EYS: variants seen among roughly 807,000 people sequenced by gnomAD.
The protein encoded by EYS is EGF-like photoreceptor maintenance factor, also known as protein eyes shut homolog.
In EYS, 250 loss-of-function variants were observed where a neutral mutation model predicts 282.1. That is an observed-to-expected ratio of 0.89 (90% CI 0.80 to 0.98). The LOEUF (loss-of-function observed/expected upper bound fraction) is 0.98. Ranked by LOEUF, EYS falls within the 50% of genes least tolerant of loss-of-function variation. The probability of loss-of-function intolerance (pLI) is 0.00; values close to 1 mark genes in which losing one functional copy is unlikely to be tolerated. For synonymous variants in EYS, 1,355 were observed against 1,282.9 expected (o/e 1.06, Z -1.20); for missense variants, 4,016 against 3,709.0 (o/e 1.08, Z -2.15).
At chr6:65,694,655 C>G (rs1316736167) in intron 1 of EYS, among the ~76,000 whole-genome samples, 1 of 148,882 alleles carries the variant, frequency 6.7e-6, no homozygotes, top group Non-Finnish European at 1.5e-5. Flanking sequence ...CCAACACTGA[C>G]TGGTTATTTC....
intron 12 of EYS, among the ~76,000 whole-genome samples, chr6:65,187,993 G>A (rs898962916): frequency 2.0e-5 from 3 of 151,398 alleles, no homozygotes; most frequent in African/African-American, 7.3e-5. Context: ...GCATTCCTTC[G>A]TAACTGATGA....
rs1768404845 is a variant in EYS at position 65,442,879 on chromosome 6, CAT to C, written c.863-37514_863-37513del. 1.8e-5 allele frequency among the ~76,000 whole-genome samples: 2 copies of C among 110,614 alleles called. 1 individual carries two copies. Among genetic ancestry groups the C allele is most frequent in the Non-Finnish European group, 4.4e-5 (2 of 45,058 alleles). 72.6% of individuals were successfully genotyped at this position (110,614 alleles called of 152,430 possible). ...ATGTACATATATACATACATATACACATACATATGTACATATATGTATATATA... is the reference window on the plus strand; with the variant it reads ...ATGTACATATATACATACATATACACACATATGTACATATATGTATATATA... On this transcript the variant is annotated intron_variant, in intron 5 of 42. Coordinates refer to ENST00000503581, the MANE Select transcript of EYS (RefSeq NM_001142800.2).
intron 31 of EYS, among the ~76,000 whole-genome samples, chr6:64,207,185 C>A (rs965152932): frequency 6.6e-6 from 1 of 151,992 alleles, no homozygotes; most frequent in African/African-American, 2.4e-5. Context: ...TAGATTAATG[C>A]TATTATCCTG....
At chr6:63,953,651 A>C (rs1765691327) in intron 35 of EYS, among the ~76,000 whole-genome samples, 2 of 152,168 alleles carry the variant, frequency 1.3e-5, no homozygotes, top group South Asian at 4.1e-4. Flanking sequence ...ATAAACTCAC[A>C]AAAGAAAACC....
At chr6:64,498,490 T>C (rs776211675) in intron 26 of EYS, among the ~76,000 whole-genome samples, 3 of 152,022 alleles carry the variant, frequency 2.0e-5, no homozygotes, top group Non-Finnish European at 4.4e-5. Context: ...AGTTCTGGGA[T>C]ACATGTGCAG....
At chr6:64,666,040 A>G (rs1484186734) in intron 22 of EYS, among the ~76,000 whole-genome samples, 3 of 152,304 alleles carry the variant, frequency 2.0e-5, no homozygotes, top group Admixed American at 6.5e-5. Context: ...CTAAATAAAA[A>G]CATATGAACA....
At chr6:64,297,600 G>A (rs1769078430) in intron 30 of EYS, among the ~76,000 whole-genome samples, 1 of 152,212 alleles carries the variant, frequency 6.6e-6, no homozygotes, top group South Asian at 2.1e-4. Flanking sequence ...CAGGCTAGAA[G>A]ACAAAAGTTT....
At chr6:64,155,992 G>T (rs1027289383) in intron 31 of EYS, among the ~76,000 whole-genome samples, 3 of 147,286 alleles carry the variant, frequency 2.0e-5, no homozygotes, top group African/African-American at 5.0e-5. Flanking sequence ...ATATATATAT[G>T]TGTGTGTGTG....
intron 22 of EYS, among the ~76,000 whole-genome samples, chr6:64,766,504 C>T (rs9360062): frequency 0.84 from 122,104 of 144,636 alleles, 52,670 homozygotes; most frequent in Middle Eastern, 0.95. Context: ...TGGTTGTGGG[C>T]GCCTATAATC....
intron 31 of EYS, among the ~76,000 whole-genome samples, chr6:64,126,951 T>C (rs959847138): frequency 2.6e-5 from 4 of 152,112 alleles, no homozygotes; most frequent in Non-Finnish European, 5.9e-5. Context: ...CAGTAAGACA[T>C]AGACTCTGTA....
intron 33 of EYS, among the ~76,000 whole-genome samples, chr6:64,034,819 C>T (rs1020408565): frequency 2.6e-5 from 4 of 151,798 alleles, no homozygotes; most frequent in Admixed American, 2.0e-4. Flanking sequence ...ACAAGCAACA[C>T]GAGGCATTCT....
intron 33 of EYS, among the ~76,000 whole-genome samples, chr6:64,029,620 A>G (rs79219451): frequency 0.012 from 1,807 of 152,310 alleles, 42 homozygotes; most frequent in East Asian, 0.067. Flanking sequence ...GCTGCCCAAG[A>G]TGATCTCTTA....
chr6:63,906,541 G>T (rs889520265), intron 35 of EYS, among the ~76,000 whole-genome samples: 3 of 152,166 alleles, frequency 2.0e-5, no homozygotes, highest in Admixed American at 6.5e-5. Flanking sequence ...GGATTCAAAT[G>T]ATGGCCTAGT....
chr6:64,761,264 T>A (rs537545570), intron 22 of EYS, among the ~76,000 whole-genome samples: 2 of 152,272 alleles, frequency 1.3e-5, no homozygotes, highest in South Asian at 4.1e-4. Context: ...TGTTTGAAGA[T>A]CAATCCTGAA....
At chr6:65,042,522 G>T (rs943508624) in intron 13 of EYS, among the ~76,000 whole-genome samples, 5 of 149,546 alleles carry the variant, frequency 3.3e-5, no homozygotes, top group African/African-American at 1.2e-4. Flanking sequence ...TTTACTTGTT[G>T]CTCTTTGGAA....
intron 12 of EYS, among the ~76,000 whole-genome samples, chr6:65,114,135 C>A (rs967367619): frequency 3.6e-4 from 54 of 151,848 alleles, no homozygotes; most frequent in Middle Eastern, 3.4e-3. Context: ...CTAGAAATAT[C>A]CAACAAATGA....
intron 5 of EYS, among the ~76,000 whole-genome samples, chr6:65,488,553 A>G (rs1341653965): frequency 6.6e-6 from 1 of 152,180 alleles, no homozygotes; most frequent in Non-Finnish European, 1.5e-5. Flanking sequence ...CTTACTGTCC[A>G]AAGTAATTTA....
rs1766881591 is a variant in EYS at position 63,977,262 on chromosome 6, C to A, written c.7055+7121G>T. On this transcript the variant is annotated intron_variant, in intron 35 of 42. Transcript: ENST00000503581. Reference sequence around the variant, plus strand: ...ATCAAATTAGCATAATTGGAATAGCCATCACTTCAAACGTTTATAATTTCT... The same window carrying A: ...ATCAAATTAGCATAATTGGAATAGCAATCACTTCAAACGTTTATAATTTCT... 2.0e-5 allele frequency among the ~76,000 whole-genome samples: 3 copies of A among 151,922 alleles called. No individual in the cohort carries two copies. The South Asian group carries it at 6.2e-4, about 32-fold the overall frequency.
chr6:65,532,050 ATTG>A (rs948939476), intron 2 of EYS, among the ~76,000 whole-genome samples: 25 of 152,274 alleles, frequency 1.6e-4, no homozygotes, highest in African/African-American at 2.6e-4. Flanking sequence ...TATGTAAATT[ATTG>A]TTGTTATTAT....
Sources: allele counts gnomAD v4.1 joint callset (sites outside exome capture counted in the v4.1 genomes callset), GRCh38; gene constraint gnomAD v4.1.1; transcripts MANE v1.5; gene names NCBI Gene and HGNC (gene_info 2026-07-23, HGNC 2026-07-21).